Variants in PLCH2 observed in about 807,000 individuals in gnomAD.
PLCH2 encodes 1-phosphatidylinositol 4,5-bisphosphate phosphodiesterase eta-2.
PLCH2 carries 98 observed loss-of-function variants against 134.7 expected under a neutral mutation model. That is an observed-to-expected ratio of 0.73 (90% CI 0.62 to 0.86). The LOEUF (loss-of-function observed/expected upper bound fraction) is 0.86. Among genes scored for constraint, PLCH2 ranks in the 40% least tolerant of loss-of-function variants. PLCH2 has a pLI of 0.00. For synonymous variants in PLCH2, 974 were observed against 827.5 expected (o/e 1.18, Z -3.04); for missense variants, 1,994 against 1,986.6 (o/e 1.00, Z -0.07).
At chr1:2,503,648 C>G in intron 21 of PLCH2, 1 of 696,014 alleles carries the variant, frequency 1.4e-6, no homozygotes, top group East Asian at 2.7e-5. Context: ...TGACAGGTAA[C>G]GGGGCCCAGC....
intron 2 of PLCH2, among the ~76,000 whole-genome samples, chr1:2,438,736 C>G (rs1041384230): frequency 6.6e-6 from 1 of 152,196 alleles, no homozygotes; most frequent in Non-Finnish European, 1.5e-5. Context: ...CAAATTTGCT[C>G]GGATCATTCC....
In PLCH2 at chr1:2,503,904, T is replaced by TCCCCCCCCCCCCCCCCC; in HGVS notation, c.2960-13_2960-12insCCCCCCCCCCCCCCCCC. 4.3e-6 allele frequency: 3 copies of TCCCCCCCCCCCCCCCCC among 694,072 alleles called. No individual in the cohort carries two copies. Among genetic ancestry groups the TCCCCCCCCCCCCCCCCC allele is most frequent in the Non-Finnish European group, 5.1e-6 (2 of 391,102 alleles). 43.0% of individuals were successfully genotyped at this position (694,072 alleles called of 1,614,324 possible). ...GCTTCTCCCTCTGGCTCTCTCTCACTCCCCCACCTCCCCACAGACACCCGC... is the reference window on the plus strand; with the variant it reads ...GCTTCTCCCTCTGGCTCTCTCTCACTCCCCCCCCCCCCCCCCCCCCCCACCTCCCCACAGACACCCGC... On this transcript the variant is annotated splice_polypyrimidine_tract_variant and intron_variant, in intron 21 of 21. Transcript: ENST00000378486.
chr1:2,435,871 C>T (rs1192014667), intron 2 of PLCH2, among the ~76,000 whole-genome samples: 1 of 151,930 alleles, frequency 6.6e-6, no homozygotes, highest in African/African-American at 2.4e-5. Flanking sequence ...GCTGAATTTG[C>T]TGCTGAGACT....
intron 2 of PLCH2, among the ~76,000 whole-genome samples, chr1:2,432,856 A>G (rs985151305): frequency 6.6e-6 from 1 of 152,248 alleles, no homozygotes; most frequent in African/African-American, 2.4e-5. Context: ...TGCCCCTGGG[A>G]GGCGCCTGGA....
rs889757466 is a variant in PLCH2 at position 2,502,285 on chromosome 1, G to A, written c.2835G>A (p.Pro945=). Residue 945 remains proline (P), a synonymous_variant, in exon 21 of 22, where the codon CCG becomes CCA. Coordinates refer to ENST00000378486, the MANE Select transcript of PLCH2 (RefSeq NM_014638.4). ...AGAAGCCGGGCCGCAGGGGCTTCCC[G>A]GAGCTGGTCCTGGGTACACGGGACA... ...KSQKPGRRGF[P]ELVLGTRDTG... 1.4e-5 allele frequency: 22 copies of A among 1,538,136 alleles called. No homozygotes were observed. The highest frequency in any genetic ancestry group is 8.3e-5 in the African/African-American group (6 of 72,318).
chr1:2,455,921 T>C (rs937147046), intron 2 of PLCH2, among the ~76,000 whole-genome samples: 2 of 152,252 alleles, frequency 1.3e-5, no homozygotes, highest in African/African-American at 4.8e-5. Flanking sequence ...TGTGTGCCTG[T>C]GTGCTCGTGT....
upstream of PLCH2, among the ~76,000 whole-genome samples, chr1:2,472,104 C>T (rs1029216310): frequency 3.3e-5 from 5 of 152,214 alleles, no homozygotes; most frequent in Admixed American, 6.5e-5. Flanking sequence ...GCTCCTAGCA[C>T]GACCACTCTG....
At chr1:2,497,294 C>A (rs1255053991) in intron 15 of PLCH2, among the ~76,000 whole-genome samples, 1 of 152,264 alleles carries the variant, frequency 6.6e-6, no homozygotes, top group African/African-American at 2.4e-5. Flanking sequence ...GCTGGCTGCG[C>A]CAGCTCCGGG....
intron 1 of PLCH2, among the ~76,000 whole-genome samples, chr1:2,469,884 G>C (rs1437044328): frequency 6.6e-6 from 1 of 152,216 alleles, no homozygotes; most frequent in East Asian, 1.9e-4. Flanking sequence ...CGCAGGCATG[G>C]CTCCATGCTA....
At position 2,502,259 on chromosome 1, in the gene PLCH2, C is replaced by A; in HGVS notation, c.2809C>A (p.Gln937Lys). 6.5e-7 allele frequency: 1 copy of A among 1,541,548 alleles called. No individual in the cohort carries two copies. The highest frequency in any genetic ancestry group is 8.7e-7 in the Non-Finnish European group (1 of 1,144,716). The change falls in exon 21 of 22, where the codon CAG (glutamine) becomes AAG (lysine). Residue 937 changes from glutamine (Q) to lysine (K), a missense_variant. By Grantham distance (53) the Gln-to-Lys change is moderately conservative. Around this residue, in one of 2 missense-constraint regions of PLCH2, gnomAD observed 900 missense variants for 752.3 expected, o/e 1.20. Transcript: ENST00000378486. ...RRTASAPTKSQKPGRRGFPEL... is the reference protein window; with the variant it reads ...RRTASAPTKSKKPGRRGFPEL... ...CACGGCCAGCGCCCCGACCAAGAGC[C>A]AGAAGCCGGGCCGCAGGGGCTTCCC...
chr1:2,494,803 C>A, intron 11 of PLCH2, 53 bp from the exon 12 acceptor site: 1 of 1,358,962 alleles, frequency 7.4e-7, no homozygotes, highest in Non-Finnish European at 1.0e-6. Context: ...CCCGGCCTCC[C>A]TGCCTGGTTC....
chr1:2,499,652 G>A lies in PLCH2; in HGVS notation c.2593G>A (p.Val865Met), dbSNP rs763953803. 4 of 1,601,260 alleles carry A rather than the reference G, an allele frequency of 2.5e-6. No homozygotes were observed. The highest frequency in any genetic ancestry group is 2.3e-5 in the South Asian group (2 of 88,256). Residue 865 changes from valine (V) to methionine (M), a missense_variant, in exon 20 of 22, where the codon GTG becomes ATG. By Grantham distance (21) the Val-to-Met change is conservative (BLOSUM62 1). Coordinates refer to ENST00000378486, the MANE Select transcript of PLCH2 (RefSeq NM_014638.4). ...CCACACTGCTCCAGGCTACAGACAC[G>A]TGTACCTAGAAGGGATGGAAGAGGC... ...FSSMMPGYRH[V>M]YLEGMEEASI...
intron 1 of PLCH2, among the ~76,000 whole-genome samples, chr1:2,469,089 G>A (rs1195874348): frequency 3.9e-5 from 6 of 152,302 alleles, no homozygotes; most frequent in African/African-American, 1.4e-4. Context: ...GCACCCACTC[G>A]CTGACCGCAG....
At chr1:2,488,215 A>T (rs1038580063) in intron 8 of PLCH2, among the ~76,000 whole-genome samples, 22 of 152,216 alleles carry the variant, frequency 1.4e-4, no homozygotes, top group Non-Finnish European at 2.6e-4. Context: ...TTGATTTAGG[A>T]AACAGAAGTA....
upstream of PLCH2, among the ~76,000 whole-genome samples, chr1:2,472,419 G>C (rs545325125): frequency 1.3e-5 from 2 of 152,224 alleles, no homozygotes; most frequent in Non-Finnish European, 2.9e-5. Context: ...CAGCACGGGA[G>C]GGGGATGCTG....
chr1:2,498,280 C>T lies in PLCH2; in HGVS notation c.2225-243C>T, dbSNP rs1298264563. The T allele has an allele frequency of 5.7e-6, 3 of 524,236 alleles. No individual in the cohort carries two copies. The highest frequency in any genetic ancestry group is 6.8e-6 in the Non-Finnish European group (2 of 296,012). 32.5% of individuals were successfully genotyped at this position (524,236 alleles called of 1,614,324 possible). A position where few individuals can be genotyped will look rare whatever the true frequency, so the allele number is the denominator to read the frequency against. ...CCACCCCCAGAAGCCATGTGACCTC[C>T]TCGGCTCAGCTGTGGGAGGCATGGG... On this transcript the variant is annotated intron_variant, in intron 16 of 21. Coordinates refer to ENST00000378486, the MANE Select transcript of PLCH2 (RefSeq NM_014638.4). This position sits in a 1 kb window ranked among gnomAD's most constrained non-coding sequence, Gnocchi z 5.4.
intron 1 of PLCH2, among the ~76,000 whole-genome samples, chr1:2,477,921 G>A (rs59417818): frequency 0.52 from 79,370 of 152,120 alleles, 21,025 homozygotes; most frequent in East Asian, 0.79. Flanking sequence ...GCCACCTGTG[G>A]CCAGGGGCGG....
rs756406295 is a variant in PLCH2, at chr1:2,495,584, C to T, written c.1835+14C>T. On this transcript the variant is annotated intron_variant, in intron 13 of 21. Transcript: ENST00000378486. Reference sequence around the variant, plus strand: ...CCAGAGCCGAGGGTAGGTGCCCTGCCCCACGGGGAGGCCCCGCACACTCCT... The same window carrying T: ...CCAGAGCCGAGGGTAGGTGCCCTGCTCCACGGGGAGGCCCCGCACACTCCT... 3.5e-5 allele frequency: 53 copies of T among 1,533,772 alleles called. No individual in the cohort carries two copies. Among genetic ancestry groups the T allele is most frequent in the Non-Finnish European group, 4.1e-5 (47 of 1,136,178 alleles).
At chr1:2,461,634 C>T (rs1017218620) in intron 2 of PLCH2, among the ~76,000 whole-genome samples, 1 of 152,290 alleles carries the variant, frequency 6.6e-6, no homozygotes, top group Middle Eastern at 3.4e-3. Flanking sequence ...GGGACAGTGA[C>T]GCCCACTGGA....
Sources: gnomAD v4.1 joint callset for allele counts (sites outside exome capture counted in the v4.1 genomes callset) on GRCh38, gnomAD v4.1.1 for gene constraint, gnomAD v4.1.1 regional missense constraint, Gnocchi (gnomAD v3.1) non-coding constraint, MANE v1.5 for transcripts, NCBI Gene and HGNC (gene_info 2026-07-23, HGNC 2026-07-21) for gene names.